Variants in SMURF1 observed in about 807,000 individuals in gnomAD.
The protein encoded by SMURF1 is E3 ubiquitin-protein ligase SMURF1.
Under a neutral mutation model 98.0 loss-of-function variants are expected in SMURF1, and 44 were observed. The ratio of observed to expected loss-of-function variants is 0.45; its 90% confidence interval spans 0.35 to 0.58. SMURF1 has a LOEUF of 0.58. Ranked by LOEUF, SMURF1 falls within the 20% of genes least tolerant of loss-of-function variation. The pLI is 0.00. For synonymous variants in SMURF1, 396 were observed against 374.9 expected (o/e 1.06, Z -0.65); for missense variants, 687 against 938.4 (o/e 0.73, Z 3.50).
In SMURF1 at chr7:99,095,118, C is replaced by T. The variant is rs368161187; in HGVS notation, c.56-33281G>A. Among the ~76,000 whole-genome samples the T allele has an allele frequency of 1.6e-4, 24 of 152,162 alleles. No individual in the cohort carries two copies. In the East Asian group the frequency reaches 3.7e-3, roughly 23 times the overall value. ...CTTTTGAGATGGAGTCTCACTCTGT[C>T]ACCCAGGCTAGAGTGCAATGGCGCG... On this transcript the variant is annotated intron_variant, in intron 1 of 17. Coordinates refer to ENST00000361368, the MANE Select transcript of SMURF1 (RefSeq NM_181349.3).
At chr7:99,108,035 G>C (rs1275853390) in intron 1 of SMURF1, among the ~76,000 whole-genome samples, 1 of 152,070 alleles carries the variant, frequency 6.6e-6, no homozygotes, top group Non-Finnish European at 1.5e-5. Flanking sequence ...AGACATCTCT[G>C]AACTCACAAG....
chr7:99,043,674 T>A (rs1795467331), intron 11 of SMURF1, among the ~76,000 whole-genome samples: 1 of 152,208 alleles, frequency 6.6e-6, no homozygotes, highest in South Asian at 2.1e-4. Context: ...TTGGCACATA[T>A]TTACAGAGAC....
At chr7:99,049,454 C>CTTATTT in intron 9 of SMURF1, 109 bp downstream of exon 9, 2 of 1,139,770 alleles carry the variant, frequency 1.8e-6, no homozygotes, top group Non-Finnish European at 2.5e-6. Flanking sequence ...TTTGACCATG[C>CTTATTT]TTATTATCCA....
chr7:99,114,791 A>ATAT (rs1335724982), intron 1 of SMURF1, among the ~76,000 whole-genome samples: 1 of 152,186 alleles, frequency 6.6e-6, no homozygotes, highest in Non-Finnish European at 1.5e-5. Context: ...GAATGAAGTA[A>ATAT]TACACAGTAT....
chr7:99,088,406 C>T (rs1004879414), intron 1 of SMURF1, among the ~76,000 whole-genome samples: 1 of 152,032 alleles, frequency 6.6e-6, no homozygotes, highest in Admixed American at 6.6e-5. Context: ...TTTACCCCTG[C>T]GCTTCCAGGC....
At position 99,143,837 on chromosome 7, in the gene SMURF1, C is replaced by T; in HGVS notation, c.-57G>A. On this transcript the variant is annotated 5_prime_UTR_variant, in exon 1 of 18. Coordinates refer to ENST00000361368, the MANE Select transcript of SMURF1 (RefSeq NM_181349.3). ...AGCGCCACCGCCCCCCAGCCCGGCCCGGCCCGGCCCCGCCGCCGCCGCCTC... is the reference window on the plus strand; with the variant it reads ...AGCGCCACCGCCCCCCAGCCCGGCCTGGCCCGGCCCCGCCGCCGCCGCCTC... 1.1e-5 allele frequency: 16 copies of T among 1,433,650 alleles called. No homozygotes were observed. Among genetic ancestry groups the T allele is most frequent in the Non-Finnish European group, 1.5e-5 (16 of 1,086,322 alleles). 88.8% of individuals were successfully genotyped at this position (1,433,650 alleles called of 1,614,324 possible). A position where few individuals can be genotyped will look rare whatever the true frequency, so the allele number is the denominator to read the frequency against.
intron 10 of SMURF1, among the ~76,000 whole-genome samples, chr7:99,046,503 G>A (rs1283480711): frequency 2.6e-5 from 4 of 152,072 alleles, no homozygotes; most frequent in South Asian, 2.1e-4. Context: ...CAAAGTGAGC[G>A]GATCACTTGA....
At chr7:99,105,290 C>T (rs1237671841) in intron 1 of SMURF1, among the ~76,000 whole-genome samples, 3 of 152,178 alleles carry the variant, frequency 2.0e-5, no homozygotes, top group Admixed American at 6.5e-5. Context: ...TCTTCATGCA[C>T]TTACGAGCTT....
chr7:99,035,897 C>T (rs766577909), intron 15 of SMURF1, 181 bp from the exon 16 acceptor site: 26 of 629,482 alleles, frequency 4.1e-5, no homozygotes, highest in Admixed American at 1.1e-4. Flanking sequence ...GCACATGCTT[C>T]CGTCCGCCTC....
At chr7:99,040,747 G>A (rs546702154) in intron 12 of SMURF1, among the ~76,000 whole-genome samples, 191 bp from the exon 13 acceptor site, 65 of 152,300 alleles carry the variant, frequency 4.3e-4, no homozygotes, top group Admixed American at 4.6e-4. Context: ...GCCTAGATTC[G>A]CTGGACAGCG....
intron 11 of SMURF1, 28 bp downstream of exon 11, chr7:99,045,670 A>G: frequency 1.9e-6 from 3 of 1,561,048 alleles, no homozygotes; most frequent in Non-Finnish European, 2.7e-6. Context: ...TCCACACAGC[A>G]GAGAAGGTGA....
At position 99,062,143 on chromosome 7, in the gene SMURF1, G is replaced by GGA. The variant is rs558107147; in HGVS notation, c.56-308_56-307dup. ...AAGGTCTTGCTCTCTTGCCCAGGCT[G>GGA]GAGTGCAGGGGCATGATCATAGCTC... On this transcript the variant is annotated intron_variant, in intron 1 of 17. Transcript: ENST00000361368. 6.4e-3 allele frequency among the ~76,000 whole-genome samples: 968 copies of GGA among 151,316 alleles called. 9 individuals carry two copies. The highest frequency in any genetic ancestry group is 0.022 in the African/African-American group (902 of 41,344).
At chr7:99,136,062 G>A (rs1295010644) in intron 1 of SMURF1, among the ~76,000 whole-genome samples, 3 of 152,120 alleles carry the variant, frequency 2.0e-5, no homozygotes, top group African/African-American at 4.8e-5. Context: ...AGGGCACAGC[G>A]GCATATACTT....
intron 7 of SMURF1, 141 bp downstream of exon 7, chr7:99,052,064 G>A (rs1218863146): frequency 8.5e-7 from 1 of 1,170,610 alleles, no homozygotes; most frequent in Non-Finnish European, 1.2e-6. Flanking sequence ...GAGCTAGGGA[G>A]GTCAAGGCTG....
At chr7:99,076,889 G>A (rs767546948) in intron 1 of SMURF1, among the ~76,000 whole-genome samples, 26 of 152,206 alleles carry the variant, frequency 1.7e-4, no homozygotes, top group Non-Finnish European at 2.8e-4. Flanking sequence ...GTGTGTGCAC[G>A]TGTGTGCGCG....
At chr7:99,120,263 T>C (rs1224336741) in intron 1 of SMURF1, among the ~76,000 whole-genome samples, 2 of 152,234 alleles carry the variant, frequency 1.3e-5, no homozygotes, top group Non-Finnish European at 2.9e-5. Flanking sequence ...ATCAAACCTC[T>C]TTTCTTTGTA....
intron 7 of SMURF1, among the ~76,000 whole-genome samples, chr7:99,052,004 C>T (rs1023581285): frequency 1.3e-5 from 2 of 152,086 alleles, no homozygotes; most frequent in Non-Finnish European, 2.9e-5. Context: ...AAAAATTAGC[C>T]AGGCATGATG....
At position 99,106,664 on chromosome 7, in the gene SMURF1, C is replaced by A. The variant is rs544257626; in HGVS notation, c.55+37062G>T. Reference sequence around the variant, plus strand: ...GAGCAGTGGTGTATGCCTGTAATCCCAACCGCTCAGGAGGCAGAGGCAGGA... The same window carrying A: ...GAGCAGTGGTGTATGCCTGTAATCCAAACCGCTCAGGAGGCAGAGGCAGGA... On this transcript the variant is annotated intron_variant, in intron 1 of 17. Coordinates refer to ENST00000361368, the MANE Select transcript of SMURF1 (RefSeq NM_181349.3). Among the ~76,000 whole-genome samples, 7 of 152,288 alleles carry A rather than the reference C, an allele frequency of 4.6e-5. No individual in the cohort carries two copies. In the East Asian group the frequency reaches 1.4e-3, roughly 29 times the overall value.
intron 13 of SMURF1, among the ~76,000 whole-genome samples, chr7:99,039,564 G>T (rs1795295011): frequency 6.6e-6 from 1 of 152,074 alleles, no homozygotes; most frequent in African/African-American, 2.4e-5. Flanking sequence ...GGCCAGGTTG[G>T]TCTCAAACTC....
Sources: allele counts gnomAD v4.1 joint callset (sites outside exome capture counted in the v4.1 genomes callset), GRCh38; gene constraint gnomAD v4.1.1; transcripts MANE v1.5; gene names NCBI Gene and HGNC (gene_info 2026-07-23, HGNC 2026-07-21).